IQCF1: variants seen among roughly 807,000 people sequenced by gnomAD.
IQCF1 encodes the protein IQ domain-containing protein F1.
IQCF1 carries 9 observed loss-of-function variants against 12.5 expected under a neutral mutation model. The observed-to-expected ratio is 0.72, with a 90% CI of 0.43 to 1.26. IQCF1 has a LOEUF of 1.26. Ranked by LOEUF, IQCF1 falls within the 50% of genes most tolerant of loss-of-function variation. IQCF1 has a pLI of 0.00. For missense variants in IQCF1, 252 were observed against 257.4 expected, an observed-to-expected ratio of 0.98 and a Z score of 0.14; for synonymous variants, 67 against 96.2, an observed-to-expected ratio of 0.70 and a Z score of 1.78.
In IQCF1 at chr3:51,895,084, T is replaced by A; in HGVS notation, c.424A>T (p.Arg142Ter). ...GCATTGAGCACCTGGCAATAGCGTC[T>A]GCGGATGCGCCACATGCGGGCCTGG... is the stretch of plus-strand genomic sequence containing the variant. Reference protein sequence around the residue: ...QSQARMWRIRRRYCQVLNAVR... With the variant: ...QSQARMWRIR The change falls in exon 4 of 4, where the codon AGA becomes TGA. Residue 142 changes from arginine to a stop codon, truncating the protein, a stop_gained. Transcript: ENST00000310914. LOFTEE classifies it low-confidence loss of function (END_TRUNC). The surrounding 1 kb of genome is among the most constrained non-coding windows in gnomAD (Gnocchi z 4.8). The A allele has an allele frequency of 6.2e-7, 1 of 1,614,222 alleles. No individual in the cohort carries two copies. Among genetic ancestry groups the A allele is most frequent in the Non-Finnish European group, 8.5e-7 (1 of 1,180,054 alleles).
intron 2 of IQCF1, among the ~76,000 whole-genome samples, chr3:51,897,139 G>GC (rs1252722496): frequency 1.3e-5 from 2 of 151,098 alleles, no homozygotes; most frequent in African/African-American, 4.9e-5. Context: ...CCGATTTCCT[G>GC]CTCTGCCATA....
In IQCF1 at chr3:51,895,764, C is replaced by T. The variant is rs529185788; in HGVS notation, c.172-428G>A. 1.1e-4 allele frequency among the ~76,000 whole-genome samples: 17 copies of T among 152,312 alleles called. No homozygotes were observed. Among genetic ancestry groups the T allele is most frequent in the African/African-American group, 3.8e-4 (16 of 41,568 alleles). ...TGCCTTCTCATCCCTGACAACCGTT[C>T]ATAGCCACAGCCTGTTCTCTCCCTC... is the stretch of plus-strand genomic sequence containing the variant. On this transcript the variant is annotated intron_variant, in intron 3 of 3. Coordinates refer to ENST00000310914, the MANE Select transcript of IQCF1 (RefSeq NM_152397.3). The surrounding 1 kb of genome is among the most constrained non-coding windows in gnomAD (Gnocchi z 4.8).
At position 51,903,229 on chromosome 3, in the gene IQCF1, G is replaced by T. The variant is rs377172152; in HGVS notation, c.3+41C>A. 6 of 1,611,730 alleles carry T rather than the reference G, an allele frequency of 3.7e-6. No individual in the cohort carries two copies. The African/African-American group carries it at 6.7e-5, about 18-fold the overall frequency. ...TCCCTTCACCCTGAGAGATCTATGG[G>T]GACATCCCTAACAAGCCTGGTGTGT... On this transcript the variant is annotated intron_variant, in intron 1 of 3. Transcript: ENST00000310914.
At chr3:51,901,802 A>G (rs931744168) in intron 2 of IQCF1, among the ~76,000 whole-genome samples, 1 of 152,244 alleles carries the variant, frequency 6.6e-6, no homozygotes, top group African/African-American at 2.4e-5. Flanking sequence ...TAAACTACAT[A>G]TGCTACAACC....
At chr3:51,897,329 C>T (rs775400719) in intron 2 of IQCF1, among the ~76,000 whole-genome samples, 3 of 152,234 alleles carry the variant, frequency 2.0e-5, no homozygotes, top group Non-Finnish European at 4.4e-5. Flanking sequence ...CACCATTGCT[C>T]CGTCTGAAAG....
At chr3:51,903,176 G>C (rs148862129) in intron 1 of IQCF1, 87 bp from the exon 2 acceptor site, 33 of 1,588,576 alleles carry the variant, frequency 2.1e-5, no homozygotes, top group Non-Finnish European at 2.5e-5. Flanking sequence ...AGCTTCCAGG[G>C]CTTCTTAGAG....
rs898787800 is a variant in IQCF1 at position 51,900,587 on chromosome 3, G to A, written c.108+2398C>T. Among the ~76,000 whole-genome samples, 1 of 152,288 alleles carries A rather than the reference G, an allele frequency of 6.6e-6. No individual in the cohort carries two copies. Among genetic ancestry groups the A allele is most frequent in the Non-Finnish European group, 1.5e-5 (1 of 68,030 alleles). ...GAATTGGGACCATTTAATCCTGGGA[G>A]ATTTTGATAAAGACCCCAGTGTCAA... On this transcript the variant is annotated intron_variant, in intron 2 of 3. Coordinates refer to ENST00000310914, the MANE Select transcript of IQCF1 (RefSeq NM_152397.3). This position sits in a 1 kb window ranked among gnomAD's most constrained non-coding sequence, Gnocchi z 4.2.
intron 2 of IQCF1, among the ~76,000 whole-genome samples, chr3:51,897,136 C>T (rs997882534): frequency 6.6e-6 from 1 of 151,780 alleles, no homozygotes; most frequent in Non-Finnish European, 1.5e-5. Context: ...ATTCCGATTT[C>T]CTGCTCTGCC....
intron 3 of IQCF1, 47 bp downstream of exon 3, chr3:51,896,785 G>GCC: frequency 1.4e-6 from 2 of 1,402,104 alleles, no homozygotes; most frequent in South Asian, 2.3e-5. Flanking sequence ...CACCAGCACA[G>GCC]CCCCCACATC....
rs1699098583 is a variant in IQCF1, at chr3:51,903,051, T to C, written c.42A>G (p.Lys14=). The change falls in exon 2 of 4, where the codon AAA becomes AAG. Residue 14 remains lysine, a synonymous_variant. Transcript: ENST00000310914. Reference sequence around the variant, plus strand: ...TCTCCTTCTGCTGAGGCTCATCTTCTTTTGAGGGTTCCTTCGTCTTTTGGG... The same window carrying C: ...TCTCCTTCTGCTGAGGCTCATCTTCCTTTGAGGGTTCCTTCGTCTTTTGGG... ...KQPQKTKEPS[K]EDEPQQKEMP... is the part of the protein sequence containing the mutation. 2 of 1,614,148 alleles carry C rather than the reference T, an allele frequency of 1.2e-6. No homozygotes were observed. Among genetic ancestry groups the C allele is most frequent in the South Asian group, 1.1e-5 (1 of 91,070 alleles).
At position 51,900,013 on chromosome 3, in the gene IQCF1, AC is replaced by A. The variant is rs1699056505; in HGVS notation, c.108+2971del. 6.6e-6 allele frequency among the ~76,000 whole-genome samples: 1 copy of A among 152,196 alleles called. No individual in the cohort carries two copies. Among genetic ancestry groups the A allele is most frequent in the African/African-American group, 2.4e-5 (1 of 41,444 alleles). On this transcript the variant is annotated intron_variant, in intron 2 of 3. Transcript: ENST00000310914. The surrounding 1 kb of genome is among the most constrained non-coding windows in gnomAD (Gnocchi z 4.2). ...CACTGCTGATGTCCCCACATTTAAA[AC>A]AAAAGGTCAGTTTCTTAGAAATCAT... is the stretch of plus-strand genomic sequence containing the variant.
At chr3:51,899,233 A>G (rs573802009) in intron 2 of IQCF1, among the ~76,000 whole-genome samples, 235 of 152,290 alleles carry the variant, frequency 1.5e-3, no homozygotes, top group Middle Eastern at 6.8e-3. Context: ...GTAAAAAGGG[A>G]TATTATATGG....
At position 51,895,962 on chromosome 3, in the gene IQCF1, G is replaced by A. The variant is rs77059680; in HGVS notation, c.172-626C>T. 1.8e-3 allele frequency among the ~76,000 whole-genome samples: 269 copies of A among 152,208 alleles called. 2 individuals carry two copies. Among genetic ancestry groups the A allele is most frequent in the Admixed American group, 4.5e-3 (69 of 15,294 alleles). On this transcript the variant is annotated intron_variant, in intron 3 of 3. Coordinates refer to ENST00000310914, the MANE Select transcript of IQCF1 (RefSeq NM_152397.3). The surrounding 1 kb of genome is among the most constrained non-coding windows in gnomAD (Gnocchi z 4.8). ...ACCCTGGCATAACATTACCAGACAAGGAAGAAAAATATTTTATCCCAAAAC... is the reference window on the plus strand; with the variant it reads ...ACCCTGGCATAACATTACCAGACAAAGAAGAAAAATATTTTATCCCAAAAC...
At chr3:51,901,492 ATG>A (rs1699075495) in intron 2 of IQCF1, among the ~76,000 whole-genome samples, 2 of 152,096 alleles carry the variant, frequency 1.3e-5, no homozygotes, top group Admixed American at 1.3e-4. Flanking sequence ...CCCCGAGGGG[ATG>A]TGTGGTGGTA....
intron 2 of IQCF1, 111 bp from the exon 3 acceptor site, chr3:51,897,005 T>C (rs1256127101): frequency 2.4e-6 from 2 of 837,150 alleles, no homozygotes; most frequent in East Asian, 4.9e-5. Flanking sequence ...AATCAGTATG[T>C]CAGTATGTTC....
Position 51,895,161 on chromosome 3 carries a change from G to A in IQCF1, c.347C>T (p.Ala116Val). 6.2e-7 allele frequency: 1 copy of A among 1,614,228 alleles called. No homozygotes were observed. Among genetic ancestry groups the A allele is most frequent in the South Asian group, 1.1e-5 (1 of 91,082 alleles). ...LSKILKKRRQ[A>V]ALEAFSRKEW... is the part of the protein sequence containing the mutation. ...CTTCCGGGAGAAGGCCTCTAGCGCTGCCTGCCGCCTCTTCTTCAGAATCTT... is the reference window on the plus strand; with the variant it reads ...CTTCCGGGAGAAGGCCTCTAGCGCTACCTGCCGCCTCTTCTTCAGAATCTT... Residue 116 changes from alanine (A) to valine (V), a missense_variant, in exon 4 of 4, where the codon GCA (alanine) becomes GTA (valine). By Grantham distance (64) the Ala-to-Val change is moderately conservative. Transcript: ENST00000310914. This position sits in a 1 kb window ranked among gnomAD's most constrained non-coding sequence, Gnocchi z 4.8.
rs959672637 is a variant in IQCF1, at chr3:51,895,815, A to AT, written c.172-480dup. On this transcript the variant is annotated intron_variant, in intron 3 of 3. Transcript: ENST00000310914. The surrounding 1 kb of genome is among the most constrained non-coding windows in gnomAD (Gnocchi z 4.8). Reference sequence around the variant, plus strand: ...TGTCATGTCTGAAGACTAAACCCTGATTTTTTCTATGTTGCCCAAATTCCT... The same window carrying AT: ...TGTCATGTCTGAAGACTAAACCCTGATTTTTTTCTATGTTGCCCAAATTCCT... Among the ~76,000 whole-genome samples, 2 of 151,952 alleles carry AT rather than the reference A, an allele frequency of 1.3e-5. No individual in the cohort carries two copies. Among genetic ancestry groups the AT allele is most frequent in the Non-Finnish European group, 2.9e-5 (2 of 67,984 alleles).
chr3:51,896,784 A>C (rs1248324777), intron 3 of IQCF1, 48 bp downstream of exon 3: 12 of 1,395,438 alleles, frequency 8.6e-6, no homozygotes, highest in Non-Finnish European at 1.2e-5. Context: ...CCACCAGCAC[A>C]GCCCCCACAT....
intron 2 of IQCF1, among the ~76,000 whole-genome samples, chr3:51,898,311 TC>T (rs754677912): frequency 6.6e-6 from 1 of 152,180 alleles, no homozygotes; most frequent in Non-Finnish European, 1.5e-5. Context: ...TGTATCCTCT[TC>T]CTTTAAAAGT....
Sources: allele counts gnomAD v4.1 joint callset (sites outside exome capture counted in the v4.1 genomes callset), GRCh38; gene constraint gnomAD v4.1.1; non-coding constraint Gnocchi (gnomAD v3.1); transcripts MANE v1.5; gene names NCBI Gene and HGNC (gene_info 2026-07-23, HGNC 2026-07-21).